Variants in SLC2A9 observed in about 807,000 individuals in gnomAD.
SLC2A9 encodes the protein solute carrier family 2, facilitated glucose transporter member 9.
SLC2A9 carries 39 observed loss-of-function variants against 50.6 expected under a neutral mutation model. The observed-to-expected ratio is 0.77, with a 90% CI of 0.60 to 1.01. The LOEUF is 1.01. SLC2A9 is among the 50% of genes least tolerant of loss of function. The pLI, the probability that SLC2A9 is intolerant of heterozygous loss-of-function variation, is 0.00. For missense variants in SLC2A9, 686 were observed against 677.6 expected, an observed-to-expected ratio of 1.01 and a Z score of -0.14; for synonymous variants, 324 against 276.9, an observed-to-expected ratio of 1.17 and a Z score of -1.69.
chr4:9,963,142 T>C (rs1465426751), intron 5 of SLC2A9, among the ~76,000 whole-genome samples: 1 of 152,174 alleles, frequency 6.6e-6, no homozygotes, highest in African/African-American at 2.4e-5. Flanking sequence ...CATGTTGCAA[T>C]GGTGGCAGGC....
At chr4:9,825,186 T>A (rs1361720987), downstream of SLC2A9, among the ~76,000 whole-genome samples, 1 of 152,236 alleles carries the variant, frequency 6.6e-6, no homozygotes, top group Non-Finnish European at 1.5e-5. Flanking sequence ...TTTTTCATTT[T>A]AGAAGCAAGT....
chr4:9,937,754 G>A (rs888700153), intron 6 of SLC2A9, among the ~76,000 whole-genome samples: 2 of 152,206 alleles, frequency 1.3e-5, no homozygotes, highest in Admixed American at 1.3e-4. Flanking sequence ...AGACAGCAGG[G>A]CCTGAAGAGC....
At position 9,996,954 on chromosome 4, in the gene SLC2A9, A is replaced by G. The variant is rs1431176222; in HGVS notation, c.250-13T>C. On this transcript the variant is annotated splice_polypyrimidine_tract_variant and intron_variant, in intron 2 of 11. Coordinates refer to ENST00000264784, the MANE Select transcript of SLC2A9 (RefSeq NM_020041.3). ...AGGCCTTGATGTACTGAAAATAAAC[A>G]ACAAACCATGTTATTTCCTTCTGTT... 6.2e-7 allele frequency: 1 copy of G among 1,613,514 alleles called. No individual in the cohort carries two copies. Among genetic ancestry groups the G allele is most frequent in the African/African-American group, 1.3e-5 (1 of 74,920 alleles).
intron 10 of SLC2A9, among the ~76,000 whole-genome samples, chr4:9,851,807 G>A (rs1729974909): frequency 6.6e-6 from 1 of 152,076 alleles, no homozygotes; most frequent in Non-Finnish European, 1.5e-5. Flanking sequence ...AATAGCCTAG[G>A]ATGAAGAAAA....
rs144997137 is a variant in SLC2A9, at chr4:9,802,653, C to T, written n.421-3412G>A. On this transcript the variant is annotated intron_variant and non_coding_transcript_variant, in intron 3 of 3. Coordinates refer to the SLC2A9 transcript ENST00000503280. ...CTCGGCTCACTGCAAACCTTTACCT[C>T]AAGGTTCAAGCAATTCTGCCTCAGC... 4.2e-3 allele frequency among the ~76,000 whole-genome samples: 609 copies of T among 145,784 alleles called. 8 individuals are homozygous for T. Among genetic ancestry groups the T allele is most frequent in the African/African-American group, 0.015 (581 of 39,088 alleles).
chr4:9,868,639 TG>T (rs1325334327), intron 10 of SLC2A9, among the ~76,000 whole-genome samples: 1 of 152,180 alleles, frequency 6.6e-6, no homozygotes. Flanking sequence ...AGAAGTGAAT[TG>T]TCTGTGGAGC....
At chr4:9,943,912 C>T (rs190733254) in intron 5 of SLC2A9, among the ~76,000 whole-genome samples, 2 of 152,248 alleles carry the variant, frequency 1.3e-5, no homozygotes, top group African/African-American at 2.4e-5. Flanking sequence ...GCCAGCCCCA[C>T]ACACAGCCAG....
At chr4:9,829,455 T>G (rs992674232) in intron 11 of SLC2A9, among the ~76,000 whole-genome samples, 3 of 134,102 alleles carry the variant, frequency 2.2e-5, no homozygotes, top group African/African-American at 8.7e-5. Context: ...GGGCAAAGAT[T>G]TCATGACAAA....
At chr4:10,025,737 C>CA (rs534928728), upstream of SLC2A9, 1,014 of 641,542 alleles carry the variant, frequency 1.6e-3, 7 homozygotes, top group African/African-American at 0.016. Flanking sequence ...AGACACTCTA[C>CA]AATCCCCATG....
intron 6 of SLC2A9, chr4:9,924,005 T>C (rs1440900714): frequency 6.6e-6 from 1 of 152,104 alleles, no homozygotes; most frequent in Admixed American, 6.5e-5. Context: ...CCTTGAGTGT[T>C]TGCACGGAGA....
chr4:9,983,542 C>T (rs980139606), intron 4 of SLC2A9, among the ~76,000 whole-genome samples: 1 of 152,156 alleles, frequency 6.6e-6, no homozygotes, highest in African/African-American at 2.4e-5. Context: ...GACCAGGCCA[C>T]CTGCTAACAC....
rs1763215879 is a variant in SLC2A9 at position 10,019,369 on chromosome 4, A to G, written c.151-296T>C. 1.2e-5 allele frequency: 6 copies of G among 493,172 alleles called. No individual in the cohort carries two copies. In the South Asian group the frequency reaches 1.3e-4, roughly 10 times the overall value. 30.5% of individuals were successfully genotyped at this position (493,172 alleles called of 1,614,324 possible). ...TTCAGCAGCTGCTCTGGGCAGCTCC[A>G]CACGATCCTTTCAGCGAAGTTGGCG... On this transcript the variant is annotated intron_variant, in intron 1 of 11. Transcript: ENST00000264784.
At chr4:10,037,123 C>T (rs1560513653) in intron 1 of SLC2A9, among the ~76,000 whole-genome samples, 2 of 152,148 alleles carry the variant, frequency 1.3e-5, no homozygotes, top group Admixed American at 6.5e-5. Context: ...GATTTATGTA[C>T]CATAAAATGC....
downstream of SLC2A9, among the ~76,000 whole-genome samples, chr4:9,777,114 ATTG>A: frequency 6.6e-6 from 1 of 152,204 alleles, no homozygotes; most frequent in East Asian, 1.9e-4. Context: ...TTATTTTGAA[ATTG>A]TTTATTTCTC....
intron 2 of SLC2A9, among the ~76,000 whole-genome samples, 173 bp downstream of exon 2, chr4:10,018,802 T>C (rs1431800756): frequency 6.6e-6 from 1 of 151,806 alleles, no homozygotes; most frequent in African/African-American, 2.4e-5. Context: ...CCCCGTGTCA[T>C]CATTGTCTGT....
chr4:9,857,286 T>C (rs776325484), intron 10 of SLC2A9, among the ~76,000 whole-genome samples: 3 of 152,146 alleles, frequency 2.0e-5, no homozygotes, highest in African/African-American at 7.2e-5. Flanking sequence ...AGCATTTGTT[T>C]GTTCATTCAG....
At position 9,836,925 on chromosome 4, in the gene SLC2A9, A is replaced by G. The variant is rs1727204016; in HGVS notation, c.1292-1917T>C. Among the ~76,000 whole-genome samples the G allele has an allele frequency of 2.6e-5, 4 of 152,192 alleles. No homozygotes were observed. The South Asian group carries it at 8.3e-4, about 32-fold the overall frequency. ...TTCAAGGTAAGCATTGCACATACAC[A>G]ATCACTTAGCAAGCCGACCCAACCA... On this transcript the variant is annotated intron_variant, in intron 10 of 11. Transcript: ENST00000264784.
chr4:9,999,779 T>C (rs550071676), intron 2 of SLC2A9, among the ~76,000 whole-genome samples: 1 of 152,090 alleles, frequency 6.6e-6, no homozygotes, highest in Non-Finnish European at 1.5e-5. Flanking sequence ...TTTCAGAGGA[T>C]CCCTCTGGCA....
rs760739227 is a variant in SLC2A9, at chr4:9,826,462, C to CT, written c.1557dup (p.Ala520SerfsTer14). The CT allele has an allele frequency of 1.5e-5, 25 of 1,613,198 alleles. No individual in the cohort carries two copies. The South Asian group carries it at 2.6e-4, about 17-fold the overall frequency. ...TCGATTTTCTCTTCTGGTGGGTATG[C>CT]TTTGTTCCTTTTGGAAAATGCCTGG... On this transcript the variant is annotated frameshift_variant, in exon 12 of 12. Coordinates refer to ENST00000264784, the MANE Select transcript of SLC2A9 (RefSeq NM_020041.3). LOFTEE classifies it low-confidence loss of function (END_TRUNC).
Sources: allele counts gnomAD v4.1 joint callset (sites outside exome capture counted in the v4.1 genomes callset), GRCh38; gene constraint gnomAD v4.1.1; transcripts MANE v1.5; gene names NCBI Gene and HGNC (gene_info 2026-07-23, HGNC 2026-07-21).